The following CREBBP variants were observed in gnomAD, a reference collection of about 807,000 sequenced individuals.
CREBBP encodes CREB-binding protein.
A neutral mutation model predicts 265.0 loss-of-function variants in CREBBP; 19 were observed. That is an observed-to-expected ratio of 0.07 (90% CI 0.05 to 0.11). CREBBP has a LOEUF of 0.11. CREBBP is among the 10% of genes least tolerant of loss of function. The probability of loss-of-function intolerance (pLI) is 1.00; values close to 1 mark genes in which losing one functional copy is unlikely to be tolerated. For synonymous variants in CREBBP, 1,457 were observed against 1,223.7 expected (o/e 1.19, Z -3.98); for missense variants, 2,525 against 3,219.0 (o/e 0.78, Z 5.22).
In CREBBP at chr16:3,850,845, G is replaced by T. The variant is rs770952413; in HGVS notation, c.250C>A (p.Pro84Thr). Reference sequence around the variant, plus strand: ...CTGGCGCTCACATTTCCTATTCCTGGGTTGATACTAGAGCCGCTGCCTCCT... The same window carrying T: ...CTGGCGCTCACATTTCCTATTCCTGTGTTGATACTAGAGCCGCTGCCTCCT... ...LRGGSGSSINPGIGNVSASSP... is the reference protein window; with the variant it reads ...LRGGSGSSINTGIGNVSASSP... The change falls in exon 2 of 31, where the codon CCA becomes ACA. Residue 84 changes from proline to threonine, a missense_variant. This residue lies in a region of CREBBP where 356 missense variants were observed against 340.4 expected (regional missense o/e 1.05). Coordinates refer to ENST00000262367, the MANE Select transcript of CREBBP (RefSeq NM_004380.3). 1.2e-5 allele frequency: 19 copies of T among 1,614,146 alleles called. No individual in the cohort carries two copies. In the Admixed American group the frequency reaches 3.2e-4, roughly 27 times the overall value.
At chr16:3,833,229 A>G (rs1201310678) in intron 2 of CREBBP, among the ~76,000 whole-genome samples, 1 of 152,242 alleles carries the variant, frequency 6.6e-6, no homozygotes, top group Non-Finnish European at 1.5e-5. Flanking sequence ...CCTGACCAAC[A>G]TGGTGAAACC....
chr16:3,734,605 C>T (rs1055209120), intron 28 of CREBBP, among the ~76,000 whole-genome samples: 2 of 152,198 alleles, frequency 1.3e-5, no homozygotes, highest in Non-Finnish European at 2.9e-5. Flanking sequence ...CCAGTGAGAC[C>T]AGCTACACTC....
chr16:3,793,915 T>C (rs1448067335), intron 3 of CREBBP, among the ~76,000 whole-genome samples: 2 of 152,202 alleles, frequency 1.3e-5, no homozygotes, highest in African/African-American at 4.8e-5. Context: ...CTCTACAATA[T>C]ACACAACTAC....
Position 3,728,993 on chromosome 16 carries a change from G to T in CREBBP, c.6054C>A (p.Pro2018=). The change falls in exon 31 of 31, where the codon CCC becomes CCA. Residue 2018 remains proline, a synonymous_variant. Transcript: ENST00000262367. The surrounding 1 kb of genome is among the most constrained non-coding windows in gnomAD (Gnocchi z 8.7). ...GAAGGGGCGCCTGCTGCCACTGCCCGGGAGGCATGCTGGGCATGACGGGCC... is the reference window on the plus strand; with the variant it reads ...GAAGGGGCGCCTGCTGCCACTGCCCTGGAGGCATGCTGGGCATGACGGGCC... ...VSGPVMPSMP[P]GQWQQAPLPQ... 1 of 1,595,008 alleles carries T rather than the reference G, an allele frequency of 6.3e-7. No individual in the cohort carries two copies.
intron 2 of CREBBP, among the ~76,000 whole-genome samples, chr16:3,835,576 CTT>C (rs1021938849): frequency 6.0e-5 from 7 of 117,478 alleles, no homozygotes; most frequent in Non-Finnish European, 3.5e-5. Flanking sequence ...AAGATTTCTT[CTT>C]TTTTTTTTTT....
intron 16 of CREBBP, among the ~76,000 whole-genome samples, chr16:3,764,956 GTTT>G (rs963443705): frequency 3.4e-5 from 5 of 145,662 alleles, no homozygotes; most frequent in Admixed American, 1.4e-4. Flanking sequence ...CATGTGTGTG[GTTT>G]TTTTTTTTGT....
rs140559284 is a variant in CREBBP, at chr16:3,778,111, C to A, written c.2013G>T (p.Ser671=). 3.7e-6 allele frequency: 6 copies of A among 1,613,750 alleles called. No homozygotes were observed. The Admixed American group carries it at 1.0e-4, about 27-fold the overall frequency. The change falls in exon 10 of 31, where the codon TCG becomes TCT. Residue 671 remains serine (S), a synonymous_variant. Transcript: ENST00000262367. The part of the protein sequence containing the change: ...IQKELEEKRR[S]RLHKQGILGN... Reference sequence around the variant, plus strand: ...CCAAGATGCCTTGTTTATGTAAACGCGACCTCCGTTTTTCTTCTAGTTCTT... The same window carrying A: ...CCAAGATGCCTTGTTTATGTAAACGAGACCTCCGTTTTTCTTCTAGTTCTT...
intron 1 of CREBBP, among the ~76,000 whole-genome samples, chr16:3,868,593 G>A (rs2055227357): frequency 6.6e-6 from 1 of 152,162 alleles, no homozygotes; most frequent in South Asian, 2.1e-4. Context: ...AAGGCCCTTG[G>A]TGATGTTATC....
rs1042449618 is a variant in CREBBP at position 3,725,531 on chromosome 16, C to A, written c.*2187G>T. 1.7e-5 allele frequency: 4 copies of A among 233,188 alleles called. No individual in the cohort carries two copies. The highest frequency in any genetic ancestry group is 3.4e-5 in the Non-Finnish European group (4 of 118,078). 14.4% of individuals were successfully genotyped at this position (233,188 alleles called of 1,614,324 possible). On this transcript the variant is annotated 3_prime_UTR_variant, in exon 31 of 31. Coordinates refer to ENST00000262367, the MANE Select transcript of CREBBP (RefSeq NM_004380.3). ...TGAAGAGGACACTGGAGGTTAAGAA[C>A]CCAGCAGGCCGAGCAGTGGCAGCAA...
intron 2 of CREBBP, among the ~76,000 whole-genome samples, chr16:3,825,028 T>TGCAAAGAG (rs1567341882): frequency 6.6e-6 from 1 of 152,196 alleles, no homozygotes; most frequent in Non-Finnish European, 1.5e-5. Context: ...CTAAGATCTC[T>TGCAAAGAG]TTGCAAAAAT....
intron 16 of CREBBP, 150 bp from the exon 17 acceptor site, chr16:3,759,122 C>A: frequency 1.4e-6 from 1 of 704,412 alleles, no homozygotes; most frequent in Admixed American, 2.1e-5. Flanking sequence ...CCGTTAAGGA[C>A]TAAAGCTTCT....
chr16:3,731,706 G>A lies in CREBBP; in HGVS notation c.4890+70C>T, dbSNP rs1263457196. ...ACCACAGACCTGCACACGGGCCCAC[G>A]CCCGCCAGCTGCGAGTCTTTCCCTC... On this transcript the variant is annotated intron_variant, in intron 29 of 30. Coordinates refer to ENST00000262367, the MANE Select transcript of CREBBP (RefSeq NM_004380.3). The surrounding 1 kb of genome is among the most constrained non-coding windows in gnomAD (Gnocchi z 7.7). The A allele has an allele frequency of 1.2e-6, 2 of 1,603,740 alleles. No homozygotes were observed. Among genetic ancestry groups the A allele is most frequent in the African/African-American group, 1.3e-5 (1 of 74,800 alleles).
chr16:3,782,933 C>T lies in CREBBP; in HGVS notation c.1331-7G>A, dbSNP rs1296545908. On this transcript the variant is annotated splice_polypyrimidine_tract_variant and splice_region_variant and intron_variant, in intron 5 of 30. Transcript: ENST00000262367. ...GCTGGAGACCCCAGGATGGCTATAA[C>T]GACAAACAGACAGACAGACAAAAAC... is the stretch of plus-strand genomic sequence containing the variant. 1.5e-5 allele frequency: 24 copies of T among 1,613,944 alleles called. No homozygotes were observed. The highest frequency in any genetic ancestry group is 6.6e-5 in the South Asian group (6 of 91,074).
chr16:3,762,136 C>T (rs906327852), intron 16 of CREBBP, among the ~76,000 whole-genome samples: 8 of 152,146 alleles, frequency 5.3e-5, no homozygotes, highest in African/African-American at 1.2e-4. Context: ...TAGCTGCCTC[C>T]GTGCCACAGT....
chr16:3,842,326 C>G (rs1459857860), intron 2 of CREBBP, among the ~76,000 whole-genome samples: 1 of 152,176 alleles, frequency 6.6e-6, no homozygotes, highest in Non-Finnish European at 1.5e-5. Context: ...TCTGTCATCT[C>G]TGTGTCAAGC....
At chr16:3,868,941 C>T (rs1354931904) in intron 1 of CREBBP, among the ~76,000 whole-genome samples, 1 of 152,122 alleles carries the variant, frequency 6.6e-6, no homozygotes, top group African/African-American at 2.4e-5. Context: ...GCCGACCAAC[C>T]CCCGCAGGGC....
At chr16:3,799,524 T>C (rs918785981) in intron 3 of CREBBP, among the ~76,000 whole-genome samples, 1 of 152,226 alleles carries the variant, frequency 6.6e-6, no homozygotes, top group Non-Finnish European at 1.5e-5. Context: ...AAGAAAAACA[T>C]GCATTTCTTT....
At chr16:3,872,771 C>G (rs535701143) in intron 1 of CREBBP, among the ~76,000 whole-genome samples, 4 of 152,346 alleles carry the variant, frequency 2.6e-5, no homozygotes, top group African/African-American at 9.6e-5. Context: ...AACAAACTGT[C>G]ATGGTCAGGG....
intron 2 of CREBBP, among the ~76,000 whole-genome samples, chr16:3,847,350 G>A (rs930852015): frequency 2.0e-5 from 3 of 152,040 alleles, no homozygotes; most frequent in African/African-American, 4.8e-5. Context: ...TAAAAAAAGC[G>A]CCTTTTCCCT....
Sources: allele counts gnomAD v4.1 joint callset (sites outside exome capture counted in the v4.1 genomes callset), GRCh38; gene constraint gnomAD v4.1.1; regional missense constraint gnomAD v4.1.1; non-coding constraint Gnocchi (gnomAD v3.1); transcripts MANE v1.5; gene names NCBI Gene and HGNC (gene_info 2026-07-23, HGNC 2026-07-21).